The following ITFG1 variants were observed in gnomAD, a reference collection of about 807,000 sequenced individuals.
ITFG1 encodes integrin alpha FG-GAP repeat containing 1, also known as T-cell immunomodulatory protein.
A neutral mutation model predicts 81.8 loss-of-function variants in ITFG1; 34 were observed. The ratio of observed to expected loss-of-function variants is 0.42; its 90% CI spans 0.32 to 0.55. The LOEUF (loss-of-function observed/expected upper bound fraction) is 0.55. Among genes scored for constraint, ITFG1 ranks in the 20% least tolerant of loss-of-function variants. The probability of loss-of-function intolerance (pLI) is 0.17; values close to 1 mark genes in which losing one functional copy is unlikely to be tolerated. For synonymous variants in ITFG1, 285 were observed against 270.6 expected (o/e 1.05, Z -0.52); for missense variants, 672 against 755.4 (o/e 0.89, Z 1.29).
chr16:47,400,457 TACACAC>T (rs111375193), intron 6 of ITFG1, among the ~76,000 whole-genome samples: 64 of 137,044 alleles, frequency 4.7e-4, no homozygotes, highest in Admixed American at 1.3e-3. Context: ...AGAGTCACTT[TACACAC>T]ACACACACAC....
rs138985220 is a variant in ITFG1 at position 47,394,407 on chromosome 16, T to C, written c.656-18467A>G. ...CCTTCCTGGTAGATTTGTTTGAGAA[T>C]CGCTCATGACTCATCGACATACACT... On this transcript the variant is annotated intron_variant, in intron 6 of 17. Transcript: ENST00000320640. Among the ~76,000 whole-genome samples, 879 of 152,330 alleles carry C rather than the reference T, an allele frequency of 5.8e-3. 7 individuals are homozygous for C. The highest frequency in any genetic ancestry group is 0.02 in the African/African-American group (837 of 41,580).
chr16:47,279,697 T>C (rs1176007207), intron 10 of ITFG1, among the ~76,000 whole-genome samples: 1 of 152,210 alleles, frequency 6.6e-6, no homozygotes, highest in Admixed American at 6.5e-5. Flanking sequence ...TTGATAGGAA[T>C]GACAATAACT....
intron 8 of ITFG1, among the ~76,000 whole-genome samples, chr16:47,361,587 G>A (rs1968109847): frequency 6.6e-6 from 1 of 152,108 alleles, no homozygotes; most frequent in Non-Finnish European, 1.5e-5. Context: ...TTAGGTATGA[G>A]AGACATTTAT....
chr16:47,164,811 T>C (rs1372959685), intron 14 of ITFG1, among the ~76,000 whole-genome samples: 1 of 152,250 alleles, frequency 6.6e-6, no homozygotes, highest in Non-Finnish European at 1.5e-5. Context: ...TTCATGCAGC[T>C]CCAAGGAGGT....
intron 8 of ITFG1, among the ~76,000 whole-genome samples, chr16:47,338,348 C>T (rs1035814292): frequency 6.6e-6 from 1 of 152,022 alleles, no homozygotes; most frequent in Non-Finnish European, 1.5e-5. Flanking sequence ...GTGGAGGTTA[C>T]AGTGAGCTGA....
chr16:47,311,235 C>T lies in ITFG1; in HGVS notation c.1070+5G>A, dbSNP rs553765143. The T allele has an allele frequency of 1.1e-4, 177 of 1,587,996 alleles. 1 individual carries two copies. In the South Asian group the frequency reaches 1.7e-3, roughly 15 times the overall value. On this transcript the variant is annotated splice_donor_5th_base_variant and intron_variant, in intron 10 of 17. Coordinates refer to ENST00000320640, the MANE Select transcript of ITFG1 (RefSeq NM_030790.5). ...AATATTTCTCACTTGATTTAATTTC[C>T]TTACCTTCCAGATGTGTTCTTTAGT... is the stretch of plus-strand genomic sequence containing the variant.
intron 7 of ITFG1, among the ~76,000 whole-genome samples, chr16:47,370,845 G>GT (rs1236727582): frequency 6.6e-6 from 1 of 152,220 alleles, no homozygotes; most frequent in Non-Finnish European, 1.5e-5. Context: ...CCCACCAGCG[G>GT]TGGAGGTCTC....
intron 14 of ITFG1, among the ~76,000 whole-genome samples, chr16:47,170,420 T>A (rs1454976747): frequency 6.6e-6 from 1 of 152,090 alleles, no homozygotes; most frequent in Non-Finnish European, 1.5e-5. Flanking sequence ...TTGTGTGTGT[T>A]TCTAGGGAAC....
intron 10 of ITFG1, among the ~76,000 whole-genome samples, chr16:47,268,811 T>C (rs1030866652): frequency 6.6e-6 from 1 of 152,220 alleles, no homozygotes; most frequent in African/African-American, 2.4e-5. Flanking sequence ...ACTAAAATCA[T>C]GACCAAGTTG....
chr16:47,365,502 C>G, intron 8 of ITFG1: 1 of 301,848 alleles, frequency 3.3e-6, no homozygotes. Context: ...GTAATTAATA[C>G]CTGGAATTCT....
chr16:47,255,841 C>CA (rs559124050), intron 12 of ITFG1, among the ~76,000 whole-genome samples: 10 of 152,144 alleles, frequency 6.6e-5, no homozygotes, highest in African/African-American at 2.2e-4. Context: ...GAGTGCTTGC[C>CA]AAGCATTCTG....
intron 10 of ITFG1, among the ~76,000 whole-genome samples, chr16:47,302,183 C>T (rs1211372908): frequency 6.6e-6 from 1 of 152,136 alleles, no homozygotes; most frequent in Non-Finnish European, 1.5e-5. Context: ...CTCCTGCTCT[C>T]AAGGAACTTG....
intron 8 of ITFG1, among the ~76,000 whole-genome samples, chr16:47,345,732 T>C (rs1170301200): frequency 6.6e-6 from 1 of 152,322 alleles, no homozygotes; most frequent in Non-Finnish European, 1.5e-5. Flanking sequence ...ATGATGAGTA[T>C]TTGTGTGTCT....
At chr16:47,358,395 A>G (rs1235048399) in intron 8 of ITFG1, among the ~76,000 whole-genome samples, 1 of 152,250 alleles carries the variant, frequency 6.6e-6, no homozygotes, top group Non-Finnish European at 1.5e-5. Context: ...TAAATGCTAA[A>G]TAACAGTAAA....
Position 47,454,378 on chromosome 16 carries a change from A to G in ITFG1, c.282-220T>C, listed in dbSNP as rs117182359. 5.3e-3 allele frequency among the ~76,000 whole-genome samples: 803 copies of G among 152,326 alleles called. 5 individuals carry two copies. The highest frequency in any genetic ancestry group is 7.7e-3 in the Non-Finnish European group (523 of 68,028). On this transcript the variant is annotated intron_variant, in intron 2 of 17. Coordinates refer to ENST00000320640, the MANE Select transcript of ITFG1 (RefSeq NM_030790.5). ...GCAGAATAGTCTCAAGAAACAAGAC[A>G]AATCTGAAATATGTCGAGAGAAAAC...
chr16:47,352,007 T>C (rs1291114223), intron 8 of ITFG1, among the ~76,000 whole-genome samples: 1 of 152,226 alleles, frequency 6.6e-6, no homozygotes, highest in Admixed American at 6.5e-5. Flanking sequence ...GCTAGCCATA[T>C]GTAGAAAGCT....
intron 5 of ITFG1, 54 bp from the exon 6 acceptor site, chr16:47,428,952 T>C: frequency 1.0e-6 from 1 of 976,542 alleles, no homozygotes; most frequent in Non-Finnish European, 1.6e-6. Flanking sequence ...ATGAGCATTA[T>C]TTTAAAATAA....
chr16:47,155,819 A>T, intron 17 of ITFG1, 41 bp from the exon 18 acceptor site: 2 of 1,439,512 alleles, frequency 1.4e-6, no homozygotes, highest in Non-Finnish European at 9.7e-7. Flanking sequence ...TGGTAGAAAG[A>T]TGTTATGAAA....
intron 8 of ITFG1, among the ~76,000 whole-genome samples, chr16:47,359,943 C>T (rs552133426): frequency 6.6e-6 from 1 of 152,270 alleles, no homozygotes; most frequent in African/African-American, 2.4e-5. Flanking sequence ...AGAATTTAAA[C>T]TTCATGAGAA....
Sources: gnomAD v4.1 joint callset for allele counts (sites outside exome capture counted in the v4.1 genomes callset) on GRCh38, gnomAD v4.1.1 for gene constraint, MANE v1.5 for transcripts, NCBI Gene and HGNC (gene_info 2026-07-23, HGNC 2026-07-21) for gene names.